The following MTCL1 variants were observed in gnomAD, a reference collection of about 807,000 sequenced individuals.
The protein encoded by MTCL1 is microtubule crosslinking factor 1, also known as microtubule cross-linking factor 1.
A neutral mutation model predicts 141.4 loss-of-function variants in MTCL1; 79 were observed. That is an observed-to-expected ratio of 0.56 (90% CI 0.47 to 0.67). The LOEUF is 0.67. Among genes scored for constraint, MTCL1 ranks in the 30% least tolerant of loss-of-function variants. The pLI is 0.00. For missense variants in MTCL1, 2,177 were observed against 2,113.9 expected, an observed-to-expected ratio of 1.03 and a Z score of -0.59; for synonymous variants, 914 against 875.8, an observed-to-expected ratio of 1.04 and a Z score of -0.77.
In MTCL1 at chr18:8,793,005, G is replaced by GC. The variant is rs754891814; in HGVS notation, c.1902dup (p.Val635ArgfsTer4). 36 of 1,613,422 alleles carry GC rather than the reference G, an allele frequency of 2.2e-5. No homozygotes were observed. Among genetic ancestry groups the GC allele is most frequent in the Non-Finnish European group, 2.8e-5 (33 of 1,179,782 alleles). ...CTTTATCCCACCGATCAGCTCAGGGGCCCCCCCGTTTTACCTGAGCAGAGT... is the reference window on the plus strand; with the variant it reads ...CTTTATCCCACCGATCAGCTCAGGGGCCCCCCCCGTTTTACCTGAGCAGAGT... On this transcript the variant is annotated frameshift_variant, in exon 8 of 17. Transcript: ENST00000359865. LOFTEE classifies it high-confidence loss of function.
At chr18:8,749,435 C>T (rs374806836) in intron 4 of MTCL1, among the ~76,000 whole-genome samples, 1 of 152,080 alleles carries the variant, frequency 6.6e-6, no homozygotes, top group African/African-American at 2.4e-5. Context: ...TCAGGGTGTT[C>T]GATGCACTCT....
intron 4 of MTCL1, among the ~76,000 whole-genome samples, chr18:8,728,925 AG>A (rs1197049848): frequency 6.6e-6 from 1 of 151,620 alleles, no homozygotes; most frequent in Admixed American, 6.6e-5. Flanking sequence ...AGAAGAAACA[AG>A]GGTTTCACCA....
chr18:8,792,974 CCCTT>C lies in MTCL1; in HGVS notation c.1888-19_1888-16del. On this transcript the variant is annotated intron_variant, in intron 7 of 16. Transcript: ENST00000359865. ...GGCAGAGTTCTCATTTCCACTAAAC[CCCTT>C]CCTTTATCCCACCGATCAGCTCAGG... The C allele has an allele frequency of 3.7e-6, 6 of 1,612,282 alleles. No individual in the cohort carries two copies. The highest frequency in any genetic ancestry group is 5.1e-6 in the Non-Finnish European group (6 of 1,179,350).
At chr18:8,723,623 A>G (rs1456347281) in intron 4 of MTCL1, among the ~76,000 whole-genome samples, 1 of 152,196 alleles carries the variant, frequency 6.6e-6, no homozygotes, top group African/African-American at 2.4e-5. Context: ...CATCTCCAGT[A>G]TGAGTTTTTC....
chr18:8,799,183 G>A (rs923380893), intron 10 of MTCL1, among the ~76,000 whole-genome samples: 14 of 152,178 alleles, frequency 9.2e-5, no homozygotes, highest in African/African-American at 3.4e-4. Context: ...TGCACTGGAC[G>A]CCACAACTGC....
At position 8,727,119 on chromosome 18, in the gene MTCL1, G is replaced by A. The variant is rs747941074; in HGVS notation, c.357+6623G>A. On this transcript the variant is annotated intron_variant, in intron 4 of 16. Transcript: ENST00000359865. Reference sequence around the variant, plus strand: ...CCTCCAGCTCCATCCATGTTGCTGCGAAAGACAGGGTTTCATTCTTTTTTA... The same window carrying A: ...CCTCCAGCTCCATCCATGTTGCTGCAAAAGACAGGGTTTCATTCTTTTTTA... Among the ~76,000 whole-genome samples, 59 of 152,260 alleles carry A rather than the reference G, an allele frequency of 3.9e-4. 1 individual carries two copies. Among genetic ancestry groups the A allele is most frequent in the African/African-American group, 1.3e-3 (53 of 41,542 alleles).
At chr18:8,768,066 G>A (rs1280463106) in intron 4 of MTCL1, among the ~76,000 whole-genome samples, 1 of 152,104 alleles carries the variant, frequency 6.6e-6, no homozygotes, top group East Asian at 1.9e-4. Context: ...AAATTTATGT[G>A]CCTGATTTCT....
intron 4 of MTCL1, among the ~76,000 whole-genome samples, chr18:8,735,646 G>T (rs903161690): frequency 1.3e-5 from 2 of 152,136 alleles, no homozygotes; most frequent in Non-Finnish European, 2.9e-5. Flanking sequence ...GTTGGGGGGT[G>T]GGCATGGAGG....
At position 8,830,548 on chromosome 18, in the gene MTCL1, C is replaced by T; in HGVS notation, c.*19-1059C>T. On this transcript the variant is annotated intron_variant, in intron 16 of 16. Coordinates refer to ENST00000359865, the Ensembl canonical transcript of MTCL1. The surrounding 1 kb of genome is among the most constrained non-coding windows in gnomAD (Gnocchi z 6.4). Reference sequence around the variant, plus strand: ...CCCCCGCTGCTGCTCCCCTGCACCACTGGCTGGGCTGTCCTCATCCTGGTC... The same window carrying T: ...CCCCCGCTGCTGCTCCCCTGCACCATTGGCTGGGCTGTCCTCATCCTGGTC... The T allele has an allele frequency of 2.0e-6, 2 of 986,308 alleles. No individual in the cohort carries two copies. The highest frequency in any genetic ancestry group is 2.4e-6 in the Non-Finnish European group (2 of 830,590). 61.1% of individuals were successfully genotyped at this position (986,308 alleles called of 1,614,324 possible).
intron 4 of MTCL1, among the ~76,000 whole-genome samples, chr18:8,753,385 C>T (rs1212718982): frequency 6.6e-6 from 1 of 152,174 alleles, no homozygotes; most frequent in East Asian, 1.9e-4. Flanking sequence ...AACAAGCTAG[C>T]CTCCTACCAT....
chr18:8,825,154 C>A, exon 15 of MTCL1: 1 of 1,583,298 alleles, frequency 6.3e-7, no homozygotes, highest in Non-Finnish European at 8.6e-7. Context: ...GGTCCCTTTC[C>A]CACAAGCAGA....
chr18:8,784,031 A>G (rs2096541756), exon 6 of MTCL1: 1 of 1,613,486 alleles, frequency 6.2e-7, no homozygotes, highest in African/African-American at 1.3e-5. Flanking sequence ...CCACGAGCTC[A>G]GCAAGTTTAA....
At chr18:8,706,212 T>C in exon 1 of MTCL1, 1 of 1,227,004 alleles carries the variant, frequency 8.1e-7, no homozygotes, top group Non-Finnish European at 1.0e-6. Flanking sequence ...CCCGGATCCC[T>C]GCCGTGACCC....
intron 7 of MTCL1, among the ~76,000 whole-genome samples, chr18:8,791,459 C>T (rs8097104): frequency 0.22 from 33,215 of 148,510 alleles, 4,031 homozygotes; most frequent in East Asian, 0.45. Context: ...ATAAGTGCCC[C>T]TGGGAGATGA....
chr18:8,820,963 A>G (rs1386521614), intron 13 of MTCL1, among the ~76,000 whole-genome samples: 1 of 152,162 alleles, frequency 6.6e-6, no homozygotes. Flanking sequence ...CTAAATGGGA[A>G]TGTTTAAAAC....
chr18:8,789,432 C>G (rs1568042002), intron 7 of MTCL1: 2 of 985,300 alleles, frequency 2.0e-6, no homozygotes, highest in South Asian at 4.7e-5. Flanking sequence ...GAAAAGCCTT[C>G]CTTTTCTGTT....
chr18:8,728,122 T>C lies in MTCL1; in HGVS notation c.357+7626T>C, dbSNP rs190659431. ...AAATCTTGTCTTTCATATGTTTTAG[T>C]ATCATTTTAGTTTCATCTTTTTAAA... On this transcript the variant is annotated intron_variant, in intron 4 of 16. Coordinates refer to ENST00000359865, the Ensembl canonical transcript of MTCL1. 1.5e-3 allele frequency among the ~76,000 whole-genome samples: 226 copies of C among 152,292 alleles called. 2 individuals carry two copies. The highest frequency in any genetic ancestry group is 5.1e-3 in the African/African-American group (212 of 41,524).
intron 7 of MTCL1, among the ~76,000 whole-genome samples, chr18:8,789,266 G>A (rs1324052345): frequency 6.6e-6 from 1 of 152,316 alleles, no homozygotes; most frequent in East Asian, 1.9e-4. Flanking sequence ...CCAAGTATTT[G>A]CACTCATGTG....
At position 8,705,965 on chromosome 18, in the gene MTCL1, G is replaced by T; in HGVS notation, c.305G>T (p.Gly102Val). ...CCCGGCCGCCTCTCTCGGCGCAGTG[G>T]CGGCGTCCCGGGCGCGAAGGACAAG... Residue 102 changes from glycine (G) to valine (V), a missense_variant, in exon 1 of 14, where the codon GGC (glycine) becomes GTC (valine). Gly to Val is a moderately radical substitution (Grantham distance 109). Coordinates refer to the MTCL1 transcript ENST00000306329. The surrounding 1 kb of genome is among the most constrained non-coding windows in gnomAD (Gnocchi z 5.2). 2 of 1,122,942 alleles carry T rather than the reference G, an allele frequency of 1.8e-6. No individual in the cohort carries two copies. Among genetic ancestry groups the T allele is most frequent in the Non-Finnish European group, 2.2e-6 (2 of 920,284 alleles). The allele number at this position is 1,122,942 out of a possible 1,614,324, so 69.6% of individuals were successfully genotyped here. A position where few individuals can be genotyped will look rare whatever the true frequency, so the allele number is the denominator to read the frequency against.
Sources: gnomAD v4.1 joint callset for allele counts (sites outside exome capture counted in the v4.1 genomes callset) on GRCh38, gnomAD v4.1.1 for gene constraint, Gnocchi (gnomAD v3.1) non-coding constraint, MANE v1.5 for transcripts, NCBI Gene and HGNC (gene_info 2026-07-23, HGNC 2026-07-21) for gene names.